Variants in VGLL4 observed in about 807,000 individuals in gnomAD.
VGLL4 encodes the protein vestigial like family member 4, also known as transcription cofactor vestigial-like protein 4.
VGLL4 carries 7 observed loss-of-function variants against 21.0 expected under a neutral mutation model. The observed-to-expected ratio is 0.33, with a 90% CI of 0.19 to 0.63. VGLL4 has a LOEUF of 0.63. Among genes scored for constraint, VGLL4 ranks in the 20% least tolerant of loss-of-function variants. VGLL4 has a pLI of 0.78. For missense variants in VGLL4, 394 were observed against 425.7 expected, an observed-to-expected ratio of 0.93 and a Z score of 0.66; for synonymous variants, 222 against 173.2, an observed-to-expected ratio of 1.28 and a Z score of -2.21.
chr3:11,668,004 C>T (rs929970863), intron 2 of VGLL4, among the ~76,000 whole-genome samples: 9 of 151,822 alleles, frequency 5.9e-5, no homozygotes, highest in African/African-American at 1.7e-4. Context: ...CAGGCACACA[C>T]CACCACGCCT....
At chr3:11,617,839 C>T (rs2075192187) in intron 1 of VGLL4, among the ~76,000 whole-genome samples, 2 of 152,324 alleles carry the variant, frequency 1.3e-5, no homozygotes, top group South Asian at 4.1e-4. Flanking sequence ...CTAACAAAGT[C>T]TAATTAACCT....
At chr3:11,648,331 C>A (rs1431984915), upstream of VGLL4, among the ~76,000 whole-genome samples, 3 of 152,138 alleles carry the variant, frequency 2.0e-5, no homozygotes, top group Non-Finnish European at 4.4e-5. Flanking sequence ...AGAAAAGAAT[C>A]CAGATAGCAC....
intron 1 of VGLL4, among the ~76,000 whole-genome samples, chr3:11,622,745 G>C (rs987150345): frequency 2.0e-5 from 3 of 152,204 alleles, no homozygotes; most frequent in Non-Finnish European, 4.4e-5. Context: ...CCTTTAGGGT[G>C]TAGCTCTTTG....
At chr3:11,603,795 G>A (rs1033580418) in intron 1 of VGLL4, among the ~76,000 whole-genome samples, 1 of 152,166 alleles carries the variant, frequency 6.6e-6, no homozygotes, top group East Asian at 1.9e-4. Flanking sequence ...CAGCTGTGTA[G>A]CAACAAGAGT....
chr3:11,679,918 T>C (rs866443911), intron 2 of VGLL4, among the ~76,000 whole-genome samples: 1 of 152,200 alleles, frequency 6.6e-6, no homozygotes, highest in African/African-American at 2.4e-5. Context: ...TGCAGAGTCG[T>C]AGGACACACG....
At chr3:11,619,871 T>C (rs1186179529) in intron 1 of VGLL4, among the ~76,000 whole-genome samples, 5 of 152,166 alleles carry the variant, frequency 3.3e-5, no homozygotes, top group African/African-American at 1.2e-4. Flanking sequence ...GGAACCAACA[T>C]GCATCTAATC....
intron 1 of VGLL4, among the ~76,000 whole-genome samples, chr3:11,605,942 T>C (rs7433453): frequency 0.5 from 75,571 of 152,142 alleles, 21,881 homozygotes; most frequent in Non-Finnish European, 0.68. Context: ...AGAGAAGATA[T>C]GAAAATAGCC....
rs2073421148 is a variant in VGLL4, at chr3:11,565,299, C to T, written c.273-280G>A. Among the ~76,000 whole-genome samples the T allele has an allele frequency of 6.6e-6, 1 of 152,082 alleles. No individual in the cohort carries two copies. Among genetic ancestry groups the T allele is most frequent in the Admixed American group, 6.5e-5 (1 of 15,272 alleles). On this transcript the variant is annotated intron_variant, in intron 2 of 4. Coordinates refer to ENST00000430365, the MANE Select transcript of VGLL4 (RefSeq NM_001128219.3). The surrounding 1 kb of genome is among the most constrained non-coding windows in gnomAD (Gnocchi z 4.1). ...CCTCTGCCTGACTCTGTGTTCACTTCTATAATAATCTCCACTCCCTGGGAG... is the reference window on the plus strand; with the variant it reads ...CCTCTGCCTGACTCTGTGTTCACTTTTATAATAATCTCCACTCCCTGGGAG...
upstream of VGLL4, among the ~76,000 whole-genome samples, chr3:11,648,462 G>C (rs2075824220): frequency 1.3e-5 from 2 of 152,194 alleles, no homozygotes; most frequent in Non-Finnish European, 2.9e-5. Flanking sequence ...CAGACTATCT[G>C]ATGTGGAATA....
At chr3:11,558,915 G>C in intron 4 of VGLL4, 88 bp from the exon 5 acceptor site, 1 of 1,476,074 alleles carries the variant, frequency 6.8e-7, no homozygotes. Flanking sequence ...AGGCAGCCCA[G>C]AGCCGGACTG....
At position 11,565,089 on chromosome 3, in the gene VGLL4, G is replaced by T; in HGVS notation, c.273-70C>A. 7.4e-7 allele frequency: 1 copy of T among 1,343,060 alleles called. No individual in the cohort carries two copies. The highest frequency in any genetic ancestry group is 9.8e-7 in the Non-Finnish European group (1 of 1,018,962). The allele number at this position is 1,343,060 out of a possible 1,614,324, so 83.2% of individuals were successfully genotyped here. A position where few individuals can be genotyped will look rare whatever the true frequency, so the allele number is the denominator to read the frequency against. ...AAAGGGGACAGTGACTGTGCGCCAG[G>T]CACTCCGTGTTGCTTATTTAATTTT... On this transcript the variant is annotated intron_variant, in intron 2 of 4. Transcript: ENST00000430365. This position sits in a 1 kb window ranked among gnomAD's most constrained non-coding sequence, Gnocchi z 4.1.
chr3:11,645,971 C>G (rs1306172855), upstream of VGLL4, among the ~76,000 whole-genome samples: 1 of 151,996 alleles, frequency 6.6e-6, no homozygotes, highest in African/African-American at 2.4e-5. Context: ...GACTCCGTCT[C>G]AAAAAACAAA....
rs755052545 is a variant in VGLL4 at position 11,559,400 on chromosome 3, G to A, written c.551C>T (p.Ser184Leu). The A allele has an allele frequency of 7.7e-6, 12 of 1,561,994 alleles. No individual in the cohort carries two copies. The highest frequency in any genetic ancestry group is 2.7e-5 in the African/African-American group (2 of 73,792). Residue 184 changes from serine (S) to leucine (L), a missense_variant, in exon 4 of 5, where the codon TCG becomes TTG. Transcript: ENST00000430365. ...GCCGCTGTGCGCGATGGGGCAGTGC[G>A]AGAGGTTGCAGTTGCGGGCGCCAGC... ...ASAGARNCNL[S>L]HCPIAHSGCA...
chr3:11,568,711 T>C lies in VGLL4; in HGVS notation c.273-3692A>G. On this transcript the variant is annotated intron_variant, in intron 2 of 4. Coordinates refer to ENST00000430365, the MANE Select transcript of VGLL4 (RefSeq NM_001128219.3). This position sits in a 1 kb window ranked among gnomAD's most constrained non-coding sequence, Gnocchi z 5.9. ...CCCGGCCACTGCTTCCCAGGCGTCA[T>C]GTGCTCCCGGGGACGGCAGAAAACC... The C allele has an allele frequency of 1.9e-6, 3 of 1,548,682 alleles. No homozygotes were observed. Among genetic ancestry groups the C allele is most frequent in the Non-Finnish European group, 1.7e-6 (2 of 1,145,862 alleles).
chr3:11,608,013 G>T (rs1181035412), intron 1 of VGLL4, among the ~76,000 whole-genome samples: 2 of 152,172 alleles, frequency 1.3e-5, no homozygotes, highest in Non-Finnish European at 2.9e-5. Context: ...ACAAGGGTGG[G>T]AGGCAAAAGC....
chr3:11,677,268 C>G (rs2125375702), intron 2 of VGLL4, among the ~76,000 whole-genome samples: 1 of 151,962 alleles, frequency 6.6e-6, no homozygotes, highest in East Asian at 1.9e-4. Flanking sequence ...TTTAAAAGAA[C>G]AGACTGCAAT....
At position 11,604,516 on chromosome 3, in the gene VGLL4, C is replaced by A; in HGVS notation, c.83-2494G>T. On this transcript the variant is annotated intron_variant, in intron 1 of 4. Coordinates refer to ENST00000430365, the MANE Select transcript of VGLL4 (RefSeq NM_001128219.3). ...ATCTTTGGGGCCCCTCCCTAGATGG[C>A]CTTAACCCAACACTTGTATGTTAGA... is the stretch of plus-strand genomic sequence containing the variant. 5 of 949,236 alleles carry A rather than the reference C, an allele frequency of 5.3e-6. 1 individual carries two copies. The highest frequency in any genetic ancestry group is 6.2e-6 in the Non-Finnish European group (5 of 803,162). 58.8% of individuals were successfully genotyped at this position (949,236 alleles called of 1,614,324 possible). A position where few individuals can be genotyped will look rare whatever the true frequency, so the allele number is the denominator to read the frequency against.
chr3:11,601,784 GC>G (rs764365259), intron 2 of VGLL4, 48 bp downstream of exon 2: 2 of 1,589,006 alleles, frequency 1.3e-6, no homozygotes, highest in Middle Eastern at 1.7e-4. Flanking sequence ...AACAAATAAG[GC>G]CCCAGCACGG....
At chr3:11,649,894 TATTTGGTTTGGTTTG>T (rs1317894993) in intron 2 of VGLL4, among the ~76,000 whole-genome samples, 6 of 134,888 alleles carry the variant, frequency 4.4e-5, no homozygotes, top group African/African-American at 1.9e-4. Context: ...ACAAGTGCTC[TATTTGGTTTGGTTTG>T]GTTTGGTTTG....
Sources: gnomAD v4.1 joint callset for allele counts (sites outside exome capture counted in the v4.1 genomes callset) on GRCh38, gnomAD v4.1.1 for gene constraint, Gnocchi (gnomAD v3.1) non-coding constraint, MANE v1.5 for transcripts, NCBI Gene and HGNC (gene_info 2026-07-23, HGNC 2026-07-21) for gene names.